Variants in PLLP observed in about 807,000 individuals in gnomAD.
PLLP encodes the protein plasma membrane proteolipid (plasmolipin).
Under a neutral mutation model 19.7 loss-of-function variants are expected in PLLP, and 15 were observed. That is an observed-to-expected ratio of 0.76 (90% confidence interval 0.51 to 1.17). PLLP has a LOEUF of 1.17. PLLP is among the 50% of genes most tolerant of loss of function. The pLI is 0.00. For missense variants in PLLP, 255 were observed against 258.3 expected, an observed-to-expected ratio of 0.99 and a Z score of 0.09; for synonymous variants, 111 against 116.3, an observed-to-expected ratio of 0.95 and a Z score of 0.29.
chr16:57,264,637 G>A (rs1361882488), intron 1 of PLLP, among the ~76,000 whole-genome samples: 1 of 152,132 alleles, frequency 6.6e-6, no homozygotes, highest in African/African-American at 2.4e-5. Context: ...CTGAGCCCAG[G>A]CGTTCAAGAC....
At chr16:57,278,585 T>G (rs1204942228) in intron 1 of PLLP, among the ~76,000 whole-genome samples, 4 of 151,700 alleles carry the variant, frequency 2.6e-5, no homozygotes, top group Non-Finnish European at 5.9e-5. Flanking sequence ...CACTCAATAC[T>G]CCCCCCCTTG....
Position 57,256,274 on chromosome 16 carries a change from T to C in PLLP, c.*639A>G. ...CAAAGGGAGTATTACAGAGAGAGGC[T>C]TGGGAAAGGGAAGGAAACCTGGACA... On this transcript the variant is annotated 3_prime_UTR_variant, in exon 4 of 4. Transcript: ENST00000219207. 2.6e-6 allele frequency: 1 copy of C among 385,498 alleles called. No homozygotes were observed. The highest frequency in any genetic ancestry group is 4.6e-6 in the Non-Finnish European group (1 of 218,648). The allele number at this position is 385,498 out of a possible 1,614,324, so 23.9% of individuals were successfully genotyped here.
At chr16:57,268,157 C>G (rs1211486612) in intron 1 of PLLP, among the ~76,000 whole-genome samples, 1 of 152,166 alleles carries the variant, frequency 6.6e-6, no homozygotes, top group African/African-American at 2.4e-5. Flanking sequence ...CTCAGAGCCC[C>G]AGAAGAAAGC....
chr16:57,268,038 C>T (rs1391667570), intron 1 of PLLP, among the ~76,000 whole-genome samples: 1 of 151,996 alleles, frequency 6.6e-6, no homozygotes, highest in Non-Finnish European at 1.5e-5. Flanking sequence ...GGGAGACCAT[C>T]GTGTGAAGAC....
At chr16:57,276,040 G>A (rs1394620265) in intron 1 of PLLP, among the ~76,000 whole-genome samples, 3 of 152,128 alleles carry the variant, frequency 2.0e-5, no homozygotes, top group South Asian at 4.1e-4. Flanking sequence ...CCCTGGAGGC[G>A]GAGGTTGCAG....
chr16:57,260,316 G>A (rs1352172530), intron 2 of PLLP, among the ~76,000 whole-genome samples: 1 of 152,120 alleles, frequency 6.6e-6, no homozygotes, highest in African/African-American at 2.4e-5. Flanking sequence ...TAACAGCCAC[G>A]GCTGGAGCCC....
intron 1 of PLLP, among the ~76,000 whole-genome samples, chr16:57,271,259 T>C (rs2075474327): frequency 6.6e-6 from 1 of 152,070 alleles, no homozygotes; most frequent in Non-Finnish European, 1.5e-5. Flanking sequence ...CCACGTGTAC[T>C]TGCAGCCAAG....
intron 1 of PLLP, among the ~76,000 whole-genome samples, chr16:57,279,617 G>C (rs1467409098): frequency 6.6e-6 from 1 of 151,638 alleles, no homozygotes; most frequent in Non-Finnish European, 1.5e-5. Context: ...TGAGGTTGCA[G>C]TGAGCTGTGA....
At chr16:57,282,041 C>T (rs999872568) in intron 1 of PLLP, among the ~76,000 whole-genome samples, 1 of 152,098 alleles carries the variant, frequency 6.6e-6, no homozygotes, top group African/African-American at 2.4e-5. Context: ...GACCCAGATG[C>T]GCAGGGCTGG....
intron 1 of PLLP, among the ~76,000 whole-genome samples, chr16:57,275,036 A>T (rs1041057346): frequency 1.3e-5 from 2 of 151,742 alleles, no homozygotes; most frequent in Admixed American, 1.3e-4. Context: ...GCTGGGTTTC[A>T]GGCGTGAGCC....
At chr16:57,257,755 C>T (rs78843432) in intron 3 of PLLP, among the ~76,000 whole-genome samples, 5,194 of 152,310 alleles carry the variant, frequency 0.034, 298 homozygotes, top group East Asian at 0.23. Context: ...GCCTATGAAT[C>T]TCCCAGAATG....
chr16:57,258,553 A>G lies in PLLP; in HGVS notation c.341T>C (p.Leu114Pro). 1 of 1,613,506 alleles carries G rather than the reference A, an allele frequency of 6.2e-7. No individual in the cohort carries two copies. The highest frequency in any genetic ancestry group is 8.5e-7 in the Non-Finnish European group (1 of 1,179,938). The change falls in exon 3 of 4, where the codon CTC (leucine) becomes CCC (proline). Residue 114 changes from leucine (L) to proline (P), a missense_variant. By Grantham distance (98) the Leu-to-Pro change is moderately conservative. Transcript: ENST00000219207. ...GCAGGCGATGAAGGCGGTGATGTAG[A>G]GAACGGTGGCGCTGATGTTAAAGAT... The part of the protein sequence containing the change: ...LMIFNISATV[L>P]YITAFIACSA...
At chr16:57,282,642 T>G (rs769360487) in intron 1 of PLLP, among the ~76,000 whole-genome samples, 5 of 152,078 alleles carry the variant, frequency 3.3e-5, no homozygotes, top group African/African-American at 7.2e-5. Context: ...CTAGACCCTG[T>G]AGCTCGCAGA....
At position 57,256,919 on chromosome 16, in the gene PLLP, A is replaced by G; in HGVS notation, c.543T>C (p.Tyr181=). Residue 181 remains tyrosine (Y), a synonymous_variant, in exon 4 of 4, where the codon TAT becomes TAC. Coordinates refer to ENST00000219207, the MANE Select transcript of PLLP (RefSeq NM_015993.3). ...NAATSQMAGG[Y]A is the part of the protein sequence containing the mutation. ...GGGCCGTGGCACAGGTGGTTTAGGC[A>G]TAGCCGCCAGCCATCTGACTGGTGG... 6.2e-7 allele frequency: 1 copy of G among 1,610,430 alleles called. No individual in the cohort carries two copies. The highest frequency in any genetic ancestry group is 1.3e-5 in the African/African-American group (1 of 74,994).
intron 1 of PLLP, among the ~76,000 whole-genome samples, chr16:57,275,640 G>T (rs1438361511): frequency 1.1e-4 from 1 of 9,500 alleles, no homozygotes; most frequent in African/African-American, 4.1e-4. Flanking sequence ...ATTTTGCAAG[G>T]CAAAAAAAAA....
At chr16:57,280,853 A>G (rs1901210873) in intron 1 of PLLP, among the ~76,000 whole-genome samples, 1 of 152,232 alleles carries the variant, frequency 6.6e-6, no homozygotes, top group Non-Finnish European at 1.5e-5. Context: ...ACATCTGTGA[A>G]GAATACTGAG....
rs564074290 is a variant in PLLP at position 57,264,538 on chromosome 16, C to T, written c.136-2468G>A. On this transcript the variant is annotated intron_variant, in intron 1 of 3. Transcript: ENST00000219207. ...CCAGAACCCTGCCCTGCACAGGCAC[C>T]GTGTATTAAAAGAGGAAGCAGTGGG... Among the ~76,000 whole-genome samples, 5 of 152,320 alleles carry T rather than the reference C, an allele frequency of 3.3e-5. No individual in the cohort carries two copies. The East Asian group carries it at 9.6e-4, about 29-fold the overall frequency.
At chr16:57,258,397 G>C in intron 3 of PLLP, 65 bp downstream of exon 3, 1 of 1,560,980 alleles carries the variant, frequency 6.4e-7, no homozygotes, top group African/African-American at 1.3e-5. Context: ...CAGACCAAGC[G>C]AGCAGCCTGA....
At chr16:57,274,020 C>T (rs1901117160) in intron 1 of PLLP, among the ~76,000 whole-genome samples, 1 of 152,212 alleles carries the variant, frequency 6.6e-6, no homozygotes, top group African/African-American at 2.4e-5. Context: ...TAGGGTCTCA[C>T]TCTGTTGCCC....
Sources: gnomAD v4.1 joint callset for allele counts (sites outside exome capture counted in the v4.1 genomes callset) on GRCh38, gnomAD v4.1.1 for gene constraint, MANE v1.5 for transcripts, NCBI Gene and HGNC (gene_info 2026-07-23, HGNC 2026-07-21) for gene names.